SCCPDH: variants seen among roughly 807,000 people sequenced by gnomAD.
SCCPDH encodes the protein saccharopine dehydrogenase-like oxidoreductase.
In SCCPDH, 34 loss-of-function variants were observed where a neutral mutation model predicts 51.5. The ratio of observed to expected loss-of-function variants is 0.66; its 90% confidence interval spans 0.50 to 0.88. The LOEUF (loss-of-function observed/expected upper bound fraction) is 0.88, where lower values mean the gene tolerates loss of function less well. Ranked by LOEUF, SCCPDH falls within the 40% of genes least tolerant of loss-of-function variation. The pLI is 0.00. For synonymous variants in SCCPDH, 187 were observed against 191.3 expected (o/e 0.98, Z 0.19); for missense variants, 464 against 527.1 (o/e 0.88, Z 1.17).
At chr1:246,750,618 C>T (rs1668837334) in intron 5 of SCCPDH, among the ~76,000 whole-genome samples, 1 of 152,152 alleles carries the variant, frequency 6.6e-6, no homozygotes, top group African/African-American at 2.4e-5. Flanking sequence ...ATGACATGTA[C>T]AGTGAAATGA....
At position 246,746,107 on chromosome 1, in the gene SCCPDH, C is replaced by CAAAAAAA. The variant is rs756929255; in HGVS notation, c.564+2001_564+2007dup. 1.2e-3 allele frequency among the ~76,000 whole-genome samples: 93 copies of CAAAAAAA among 79,556 alleles called. 2 individuals carry two copies. The highest frequency in any genetic ancestry group is 5.7e-3 in the African/African-American group (81 of 14,182). 52.2% of individuals were successfully genotyped at this position (79,556 alleles called of 152,430 possible). A position where few individuals can be genotyped will look rare whatever the true frequency, so the allele number is the denominator to read the frequency against. On this transcript the variant is annotated intron_variant, in intron 5 of 11. Coordinates refer to ENST00000366510, the MANE Select transcript of SCCPDH (RefSeq NM_016002.3). ...TGGGCGACAGAGCGAGACTCCATCT[C>CAAAAAAA]AAAAAAAAAAAAAAAAAAAAAAAAA...
rs114005799 is a variant in SCCPDH at position 246,748,527 on chromosome 1, G to A, written c.564+4402G>A. 4.5e-3 allele frequency among the ~76,000 whole-genome samples: 681 copies of A among 152,192 alleles called. 5 individuals are homozygous for A. Among genetic ancestry groups the A allele is most frequent in the African/African-American group, 0.015 (637 of 41,532 alleles). On this transcript the variant is annotated intron_variant, in intron 5 of 11. Coordinates refer to ENST00000366510, the MANE Select transcript of SCCPDH (RefSeq NM_016002.3). ...GTTTTCCCAAGCCATCTGGCTAGTG[G>A]GCCCCAATTGTTCTGCTATCCCTTT...
chr1:246,739,015 CTT>C (rs1442039927), intron 3 of SCCPDH, among the ~76,000 whole-genome samples: 1 of 151,904 alleles, frequency 6.6e-6, no homozygotes, highest in Non-Finnish European at 1.5e-5. Flanking sequence ...GTTAGTGTGA[CTT>C]AATGTGTTTG....
chr1:246,765,727 G>C (rs1192915240), intron 10 of SCCPDH, among the ~76,000 whole-genome samples: 1 of 152,116 alleles, frequency 6.6e-6, no homozygotes, highest in African/African-American at 2.4e-5. Context: ...GTGGACTCTG[G>C]AACCAGCTGC....
intron 3 of SCCPDH, among the ~76,000 whole-genome samples, chr1:246,738,504 C>T (rs1369162160): frequency 2.0e-5 from 3 of 149,692 alleles, no homozygotes; most frequent in African/African-American, 7.4e-5. Context: ...AGTGGGACTC[C>T]GTCTCAAAAA....
chr1:246,752,627 T>C (rs1210586033), intron 5 of SCCPDH, among the ~76,000 whole-genome samples: 13 of 152,214 alleles, frequency 8.5e-5, no homozygotes, highest in Admixed American at 5.9e-4. Flanking sequence ...ATTTTTTTAA[T>C]TTAACACGAA....
At chr1:246,745,452 AG>A (rs1464561150) in intron 5 of SCCPDH, among the ~76,000 whole-genome samples, 1 of 152,224 alleles carries the variant, frequency 6.6e-6, no homozygotes, top group Non-Finnish European at 1.5e-5. Context: ...TTGGCAGGAA[AG>A]AAAAAAATGT....
intron 5 of SCCPDH, 38 bp from the exon 6 acceptor site, chr1:246,758,188 C>A: frequency 2.0e-6 from 3 of 1,490,068 alleles, no homozygotes; most frequent in Admixed American, 2.2e-5. Flanking sequence ...TAGTAACTAC[C>A]CTTTCATGTT....
At chr1:246,763,508 AT>A (rs5782401) in intron 9 of SCCPDH, among the ~76,000 whole-genome samples, 2,303 of 152,318 alleles carry the variant, frequency 0.015, 53 homozygotes, top group African/African-American at 0.053. Context: ...TAAAACAACC[AT>A]TAAAATGTGT....
intron 2 of SCCPDH, among the ~76,000 whole-genome samples, chr1:246,732,244 A>G (rs902913041): frequency 2.6e-5 from 4 of 152,174 alleles, no homozygotes; most frequent in Non-Finnish European, 4.4e-5. Context: ...GTTAGGGCCT[A>G]TTTATAGTAA....
intron 5 of SCCPDH, among the ~76,000 whole-genome samples, chr1:246,750,243 G>T (rs78693867): frequency 2.7e-5 from 4 of 150,842 alleles, no homozygotes; most frequent in East Asian, 1.9e-4. Context: ...AAACTCTAGC[G>T]GGGGGGTACC....
rs915100802 is a variant in SCCPDH, at chr1:246,757,741, C to T, written c.565-485C>T. 3.3e-5 allele frequency among the ~76,000 whole-genome samples: 5 copies of T among 152,132 alleles called. No homozygotes were observed. The East Asian group carries it at 5.8e-4, about 18-fold the overall frequency. On this transcript the variant is annotated intron_variant, in intron 5 of 11. Coordinates refer to ENST00000366510, the MANE Select transcript of SCCPDH (RefSeq NM_016002.3). ...TAGAGTAAGAGGTGTTGGAGGTAGACGGGGAACCAGGTGTAACAGGATGGA... is the reference window on the plus strand; with the variant it reads ...TAGAGTAAGAGGTGTTGGAGGTAGATGGGGAACCAGGTGTAACAGGATGGA...
chr1:246,748,985 G>A (rs1243250766), intron 5 of SCCPDH, among the ~76,000 whole-genome samples: 1 of 152,242 alleles, frequency 6.6e-6, no homozygotes, highest in East Asian at 1.9e-4. Flanking sequence ...TCCAAGGAAT[G>A]CTAACTTTTC....
At chr1:246,728,914 C>T (rs1346858743) in intron 2 of SCCPDH, among the ~76,000 whole-genome samples, 2 of 152,154 alleles carry the variant, frequency 1.3e-5, no homozygotes, top group Non-Finnish European at 2.9e-5. Flanking sequence ...AGGTTCTTTT[C>T]TATTTTCCCT....
At chr1:246,726,683 C>G (rs537029578) in intron 1 of SCCPDH, among the ~76,000 whole-genome samples, 1 of 152,238 alleles carries the variant, frequency 6.6e-6, no homozygotes, top group South Asian at 2.1e-4. Context: ...TTTTTAGTAA[C>G]TCTTAGTGTT....
intron 2 of SCCPDH, among the ~76,000 whole-genome samples, chr1:246,731,901 C>A (rs1668497862): frequency 7.4e-6 from 1 of 134,422 alleles, no homozygotes; most frequent in African/African-American, 2.8e-5. Context: ...GTATGATGTT[C>A]CCCACCCTGT....
At chr1:246,735,889 A>T (rs1668559634) in intron 2 of SCCPDH, 86 bp from the exon 3 acceptor site, 1 of 836,810 alleles carries the variant, frequency 1.2e-6, no homozygotes, top group Non-Finnish European at 2.0e-6. Flanking sequence ...GATAACTAGG[A>T]CTGTTTACTT....
In SCCPDH at chr1:246,724,439, G is replaced by T; in HGVS notation, c.17G>T (p.Arg6Met). ...GGACTCGTCATGGCGACCGAGCAGA[G>T]GCCTTTCCACCTGGTGGTGTTCGGC... MATEQ[R>M]PFHLVVFGAS... Residue 6 changes from arginine (R) to methionine (M), a missense_variant, in exon 1 of 12, where the codon AGG (arginine) becomes ATG (methionine). Transcript: ENST00000366510. The T allele has an allele frequency of 6.3e-7, 1 of 1,583,032 alleles. No individual in the cohort carries two copies. Among genetic ancestry groups the T allele is most frequent in the Non-Finnish European group, 8.6e-7 (1 of 1,167,768 alleles).
intron 2 of SCCPDH, among the ~76,000 whole-genome samples, chr1:246,733,512 A>ACG (rs1668525358): frequency 1.3e-5 from 2 of 149,674 alleles, no homozygotes; most frequent in Non-Finnish European, 1.5e-5. Flanking sequence ...ACACACACAC[A>ACG]CTTTTTTTCT....
Sources: allele counts gnomAD v4.1 joint callset (sites outside exome capture counted in the v4.1 genomes callset), GRCh38; gene constraint gnomAD v4.1.1; transcripts MANE v1.5; gene names NCBI Gene and HGNC (gene_info 2026-07-23, HGNC 2026-07-21).